EIF2AK1: variants seen among roughly 807,000 people sequenced by gnomAD.
The protein encoded by EIF2AK1 is eukaryotic translation initiation factor 2 alpha kinase 1, also known as eukaryotic translation initiation factor 2-alpha kinase 1.
A neutral mutation model predicts 77.9 loss-of-function variants in EIF2AK1; 54 were observed. The observed-to-expected ratio is 0.69, with a 90% CI of 0.56 to 0.87. EIF2AK1 has a LOEUF of 0.87. Ranked by LOEUF, EIF2AK1 falls within the 40% of genes least tolerant of loss-of-function variation. The pLI is 0.00. For missense variants in EIF2AK1, 810 were observed against 768.6 expected, an observed-to-expected ratio of 1.05 and a Z score of -0.64; for synonymous variants, 314 against 290.5, an observed-to-expected ratio of 1.08 and a Z score of -0.82.
intron 2 of EIF2AK1, among the ~76,000 whole-genome samples, chr7:6,053,960 C>G (rs1788680339): frequency 6.6e-6 from 1 of 151,992 alleles, no homozygotes; most frequent in South Asian, 2.1e-4. Context: ...GCATGAGCCA[C>G]TGCACCTGGC....
rs1286509408 is a variant in EIF2AK1, at chr7:6,027,620, C to T, written c.1531-659G>A. On this transcript the variant is annotated intron_variant, in intron 13 of 14. Transcript: ENST00000199389. The surrounding 1 kb of genome is among the most constrained non-coding windows in gnomAD (Gnocchi z 4.5). Reference sequence around the variant, plus strand: ...ATTCAAACTTTACAGCATGTTCGTTCTATTTCAAGGGGAGTCAAGGGGCAG... The same window carrying T: ...ATTCAAACTTTACAGCATGTTCGTTTTATTTCAAGGGGAGTCAAGGGGCAG... Among the ~76,000 whole-genome samples, 2 of 151,774 alleles carry T rather than the reference C, an allele frequency of 1.3e-5. No individual in the cohort carries two copies. The highest frequency in any genetic ancestry group is 2.4e-5 in the African/African-American group (1 of 41,276).
chr7:6,028,217 C>A (rs1787805689), intron 13 of EIF2AK1, among the ~76,000 whole-genome samples: 2 of 151,530 alleles, frequency 1.3e-5, no homozygotes. Context: ...CCAAAAACAT[C>A]TCTATGACAG....
intron 2 of EIF2AK1, among the ~76,000 whole-genome samples, chr7:6,050,600 C>T (rs992068470): frequency 5.0e-4 from 73 of 145,884 alleles, no homozygotes; most frequent in Non-Finnish European, 9.8e-4. Context: ...ATAATTACTT[C>T]TCTTTTTTTT....
chr7:6,045,825 C>A (rs543770), intron 6 of EIF2AK1, among the ~76,000 whole-genome samples: 2 of 150,326 alleles, frequency 1.3e-5, no homozygotes, highest in East Asian at 3.9e-4. Context: ...TTGAACCCTG[C>A]GGGGCGGAGG....
rs1489660797 is a variant in EIF2AK1, at chr7:6,044,602, G to A, written c.690C>T (p.His230=). 3 of 1,614,128 alleles carry A rather than the reference G, an allele frequency of 1.9e-6. No individual in the cohort carries two copies. Among genetic ancestry groups the A allele is most frequent in the African/African-American group, 1.3e-5 (1 of 75,054 alleles). The change falls in exon 7 of 15, where the codon CAC becomes CAT. Residue 230 remains histidine, a synonymous_variant. Transcript: ENST00000199389. ...CATGAACATGTTCTATCCACGCGGT[G>A]TGATAGCCAACAATATTGGGGTGCT... ...GLQHPNIVGY[H]TAWIEHVHVI...
chr7:6,038,421 A>G (rs1788167923), intron 10 of EIF2AK1, 139 bp downstream of exon 10: 1 of 570,156 alleles, frequency 1.8e-6, no homozygotes, highest in Non-Finnish European at 3.0e-6. Flanking sequence ...AGCAACAAAC[A>G]GAGCAAAGCT....
intron 1 of EIF2AK1, among the ~76,000 whole-genome samples, chr7:6,055,342 CA>C (rs58804557): frequency 9.5e-4 from 67 of 70,234 alleles, no homozygotes; most frequent in Middle Eastern, 8.6e-3. Context: ...AACTCCGTCT[CA>C]AAAAAAAAAA....
chr7:6,053,363 C>T (rs1303792351), intron 2 of EIF2AK1, among the ~76,000 whole-genome samples: 4 of 152,010 alleles, frequency 2.6e-5, no homozygotes, highest in African/African-American at 7.2e-5. Flanking sequence ...ATATTCTTTT[C>T]GTTATTTTTA....
intron 9 of EIF2AK1, among the ~76,000 whole-genome samples, chr7:6,039,577 C>T (rs1023839254): frequency 1.5e-4 from 20 of 132,842 alleles, no homozygotes; most frequent in Non-Finnish European, 2.3e-4. Flanking sequence ...GCTGAGATGG[C>T]ACCATTGCAC....
At chr7:6,050,160 G>A in intron 2 of EIF2AK1, 115 bp from the exon 3 acceptor site, 1 of 763,908 alleles carries the variant, frequency 1.3e-6, no homozygotes, top group Non-Finnish European at 2.0e-6. Flanking sequence ...AACCTCAATA[G>A]GAAAAATACT....
At chr7:6,031,013 T>C (rs1787894189) in intron 11 of EIF2AK1, among the ~76,000 whole-genome samples, 3 of 152,240 alleles carry the variant, frequency 2.0e-5, no homozygotes, top group Admixed American at 2.0e-4. Flanking sequence ...TTAAAAGTTT[T>C]CTTACTTTAA....
At chr7:6,051,375 G>A (rs986387660) in intron 2 of EIF2AK1, among the ~76,000 whole-genome samples, 1 of 150,916 alleles carries the variant, frequency 6.6e-6, no homozygotes, top group Non-Finnish European at 1.5e-5. Context: ...GGGTTCATGC[G>A]ATTTTCCTGC....
Position 6,054,593 on chromosome 7 carries a change from C to T in EIF2AK1, c.230G>A (p.Ser77Asn). ...AAGTGGGTTTGGTTCATGCACGTGG[C>T]TCAAGTGCTCCAGCAAAGAAACCAG... ...LLLVSLLEHL[S>N]HVHEPNPLRS... is the part of the protein sequence containing the mutation. The change falls in exon 2 of 15, where the codon AGC (serine) becomes AAC (asparagine). Residue 77 changes from serine to asparagine, a missense_variant. Physicochemically the swap from Ser to Asn is conservative, Grantham distance 46. Transcript: ENST00000199389. The T allele has an allele frequency of 6.2e-7, 1 of 1,614,070 alleles. No individual in the cohort carries two copies. The highest frequency in any genetic ancestry group is 8.5e-7 in the Non-Finnish European group (1 of 1,180,030).
At chr7:6,057,247 A>C (rs1788806046) in intron 1 of EIF2AK1, among the ~76,000 whole-genome samples, 1 of 147,114 alleles carries the variant, frequency 6.8e-6, no homozygotes, top group Non-Finnish European at 1.5e-5. Context: ...TCTCTTTAAG[A>C]AAAAAAAAAA....
chr7:6,039,924 C>A (rs975697982), intron 9 of EIF2AK1, among the ~76,000 whole-genome samples: 1 of 151,710 alleles, frequency 6.6e-6, no homozygotes, highest in East Asian at 1.9e-4. Flanking sequence ...GTGACAAGAG[C>A]AAAACTTTGT....
At chr7:6,038,780 A>G (rs1046282168) in intron 9 of EIF2AK1, 109 bp from the exon 10 acceptor site, 2 of 878,028 alleles carry the variant, frequency 2.3e-6, no homozygotes, top group Non-Finnish European at 3.4e-6. Context: ...GTAGGCCTCT[A>G]GGGAAGTCAT....
At chr7:6,049,557 C>T (rs1788545322) in intron 3 of EIF2AK1, among the ~76,000 whole-genome samples, 1 of 151,284 alleles carries the variant, frequency 6.6e-6, no homozygotes, top group Non-Finnish European at 1.5e-5. Context: ...CGAAACAAAA[C>T]AAAACAAAAA....
rs927430574 is a variant in EIF2AK1, at chr7:6,059,053, G to A, written c.31C>T (p.Arg11Cys). The change falls in exon 1 of 15, where the codon CGC (arginine) becomes TGC (cysteine). Residue 11 changes from arginine to cysteine, a missense_variant. Physicochemically the swap from Arg to Cys is radical, Grantham distance 180. Coordinates refer to ENST00000199389, the MANE Select transcript of EIF2AK1 (RefSeq NM_014413.4). The part of the protein sequence containing the change: MQGGNSGVRK[R>C]EEEGDGAGAV... ...CCAGCCCCGTCGCCCTCCTCTTCGCGCTTGCGGACCCCGGAGTTGCCCCCC... is the reference window on the plus strand; with the variant it reads ...CCAGCCCCGTCGCCCTCCTCTTCGCACTTGCGGACCCCGGAGTTGCCCCCC... The A allele has an allele frequency of 6.7e-7, 1 of 1,494,828 alleles. No individual in the cohort carries two copies. The highest frequency in any genetic ancestry group is 8.9e-7 in the Non-Finnish European group (1 of 1,127,938). 92.6% of individuals were successfully genotyped at this position (1,494,828 alleles called of 1,614,324 possible). A position where few individuals can be genotyped will look rare whatever the true frequency, so the allele number is the denominator to read the frequency against.
At chr7:6,057,246 G>GA (rs957160657) in intron 1 of EIF2AK1, among the ~76,000 whole-genome samples, 24 of 130,734 alleles carry the variant, frequency 1.8e-4, no homozygotes, top group South Asian at 9.3e-4. Flanking sequence ...ATCTCTTTAA[G>GA]AAAAAAAAAA....
Sources: gnomAD v4.1 joint callset for allele counts (sites outside exome capture counted in the v4.1 genomes callset) on GRCh38, gnomAD v4.1.1 for gene constraint, Gnocchi (gnomAD v3.1) non-coding constraint, MANE v1.5 for transcripts, NCBI Gene and HGNC (gene_info 2026-07-23, HGNC 2026-07-21) for gene names.